CELF2: variants seen among roughly 807,000 people sequenced by gnomAD.
CELF2 encodes the protein CUG triplet repeat RNA-binding protein 2.
In CELF2, 8 loss-of-function variants were observed where a neutral mutation model predicts 62.6. That is an observed-to-expected ratio of 0.13 (90% CI 0.07 to 0.23). The LOEUF is 0.23. Ranked by LOEUF, CELF2 falls within the 10% of genes least tolerant of loss-of-function variation. The probability of loss-of-function intolerance (pLI) is 1.00; values close to 1 mark genes in which losing one functional copy is unlikely to be tolerated. For missense variants in CELF2, 333 were observed against 671.0 expected, an observed-to-expected ratio of 0.50 and a Z score of 5.56; for synonymous variants, 258 against 250.0, an observed-to-expected ratio of 1.03 and a Z score of -0.30.
At chr10:10,986,823 T>C (rs944388007) in intron 2 of CELF2, among the ~76,000 whole-genome samples, 4 of 152,182 alleles carry the variant, frequency 2.6e-5, no homozygotes, top group Non-Finnish European at 5.9e-5. Context: ...GCGTCAGCAC[T>C]ACAAGGTCAC....
chr10:10,792,830 CT>C, the CELF2 span, among the ~76,000 whole-genome samples: 1 of 152,132 alleles, frequency 6.6e-6, no homozygotes, highest in Non-Finnish European at 1.5e-5. Flanking sequence ...CAAATTTGGT[CT>C]GTGATTCCTT....
At position 11,314,855 on chromosome 10, in the gene CELF2, T is replaced by C. The variant is rs901692994; in HGVS notation, c.1096+597T>C. The C allele has an allele frequency of 1.7e-5, 3 of 176,830 alleles. No homozygotes were observed. The highest frequency in any genetic ancestry group is 7.2e-5 in the African/African-American group (3 of 41,730). The allele number at this position is 176,830 out of a possible 1,614,324, so 11.0% of individuals were successfully genotyped here. A position where few individuals can be genotyped will look rare whatever the true frequency, so the allele number is the denominator to read the frequency against. On this transcript the variant is annotated intron_variant, in intron 10 of 12. Transcript: ENST00000633077. This position sits in a 1 kb window ranked among gnomAD's most constrained non-coding sequence, Gnocchi z 5.3. ...AGGGGAGAGGAGCCACTGCTGGCAG[T>C]GACATGATCAGAATCTTTATTAAGC...
At chr10:10,628,132 G>A in the CELF2 span, among the ~76,000 whole-genome samples, 1 of 152,004 alleles carries the variant, frequency 6.6e-6, no homozygotes, top group Non-Finnish European at 1.5e-5. Flanking sequence ...CAAACTCCTG[G>A]CCTCAGGTAA....
chr10:10,905,164 G>A (rs968401135), intron 1 of CELF2, among the ~76,000 whole-genome samples: 3 of 152,216 alleles, frequency 2.0e-5, no homozygotes, highest in African/African-American at 7.2e-5. Context: ...TATGTGTGAA[G>A]TGCTAAGCAA....
intron 2 of CELF2, among the ~76,000 whole-genome samples, chr10:10,951,534 A>G (rs2048317678): frequency 6.6e-6 from 1 of 152,202 alleles, no homozygotes; most frequent in Non-Finnish European, 1.5e-5. Flanking sequence ...GCAAAGGGGA[A>G]GGGTGATTGA....
At chr10:10,585,818 G>A in the CELF2 span, among the ~76,000 whole-genome samples, 522 of 152,232 alleles carry the variant, frequency 3.4e-3, 3 homozygotes, top group African/African-American at 0.011. Flanking sequence ...ATAGTTTTCA[G>A]TTGCTGGGTA....
the CELF2 span, among the ~76,000 whole-genome samples, chr10:10,495,154 G>C: frequency 6.6e-6 from 1 of 152,100 alleles, no homozygotes. Context: ...GGTGGCGGGC[G>C]CCTGTAGTCC....
At chr10:11,218,091 C>G in intron 3 of CELF2, among the ~76,000 whole-genome samples, 1 of 152,150 alleles carries the variant, frequency 6.6e-6, no homozygotes, top group Non-Finnish European at 1.5e-5. Flanking sequence ...TGATAGTTGG[C>G]ACAATTCACC....
chr10:10,748,104 G>T, the CELF2 span, among the ~76,000 whole-genome samples: 1 of 152,174 alleles, frequency 6.6e-6, no homozygotes, highest in Non-Finnish European at 1.5e-5. Context: ...ATAAACAGAG[G>T]CTGGTTAATG....
chr10:10,796,425 GT>G (rs2054144503), upstream of CELF2, among the ~76,000 whole-genome samples: 2 of 152,168 alleles, frequency 1.3e-5, no homozygotes, highest in Non-Finnish European at 2.9e-5. Context: ...CCTTTAAAAA[GT>G]TTTTGAAAAG....
At chr10:10,598,487 G>A in the CELF2 span, among the ~76,000 whole-genome samples, 3 of 152,160 alleles carry the variant, frequency 2.0e-5, no homozygotes, top group Admixed American at 6.5e-5. Flanking sequence ...ATCCTGCAAC[G>A]GAGCGTGGCA....
chr10:11,235,255 C>T (rs1387195471), intron 3 of CELF2, among the ~76,000 whole-genome samples: 1 of 152,200 alleles, frequency 6.6e-6, no homozygotes, highest in Non-Finnish European at 1.5e-5. Flanking sequence ...AAAGTAGAAG[C>T]TATGTCACCA....
chr10:11,185,136 G>A (rs764146899), intron 2 of CELF2, among the ~76,000 whole-genome samples: 5 of 151,576 alleles, frequency 3.3e-5, no homozygotes, highest in East Asian at 1.9e-4. Context: ...TGATCATATC[G>A]GGTTTTTTGT....
rs2079285077 is a variant in CELF2, at chr10:11,257,879, G to A, written c.538+7G>A. On this transcript the variant is annotated splice_region_variant and intron_variant, in intron 5 of 12. Transcript: ENST00000633077. ...CCTGATGGGCTGAGTCGAGGTGAGT[G>A]TGCTGTCTGGAAAGCCTCTCCCCTT... 4.3e-6 allele frequency: 7 copies of A among 1,613,930 alleles called. No homozygotes were observed. Among genetic ancestry groups the A allele is most frequent in the Admixed American group, 1.7e-5 (1 of 60,008 alleles).
At position 11,256,664 on chromosome 10, in the gene CELF2, T is replaced by TAA. The variant is rs1565589949; in HGVS notation, c.404-1074_404-1073insAA. Among the ~76,000 whole-genome samples, 19 of 71,726 alleles carry TAA rather than the reference T, an allele frequency of 2.6e-4. 1 individual carries two copies. The East Asian group carries it at 4.9e-3, about 19-fold the overall frequency. The allele number at this position is 71,726 out of a possible 152,430, so 47.1% of individuals were successfully genotyped here. A position where few individuals can be genotyped will look rare whatever the true frequency, so the allele number is the denominator to read the frequency against. On this transcript the variant is annotated intron_variant, in intron 4 of 12. Transcript: ENST00000633077. The stretch of plus-strand genomic sequence containing the variant: ...CTCCCCGTGGGTGTCTGTGATGTCC[T>TAA]TAAAAAAAAAAAAAAAAAAGGCACC...
chr10:11,165,750 G>T lies in CELF2; in HGVS notation c.271+68G>T. On this transcript the variant is annotated intron_variant, in intron 2 of 12. Coordinates refer to ENST00000633077, the MANE Select transcript of CELF2 (RefSeq NM_001326342.2). This position sits in a 1 kb window ranked among gnomAD's most constrained non-coding sequence, Gnocchi z 7.4. ...GTCGCGGGGCACTGGGGCTGTCCGA[G>T]CCCCCAGCCTGCAGGAGGAAGGGCG... 2 of 1,432,304 alleles carry T rather than the reference G, an allele frequency of 1.4e-6. No homozygotes were observed. The allele number at this position is 1,432,304 out of a possible 1,614,324, so 88.7% of individuals were successfully genotyped here. A position where few individuals can be genotyped will look rare whatever the true frequency, so the allele number is the denominator to read the frequency against.
intron 1 of CELF2, among the ~76,000 whole-genome samples, chr10:11,087,306 T>C (rs1001121736): frequency 1.3e-5 from 2 of 151,910 alleles, no homozygotes; most frequent in Non-Finnish European, 2.9e-5. Context: ...TGGGATGGGG[T>C]GTGGATGATA....
intron 1 of CELF2, among the ~76,000 whole-genome samples, chr10:11,081,811 C>A (rs1266860311): frequency 6.6e-6 from 1 of 152,160 alleles, no homozygotes; most frequent in Admixed American, 6.5e-5. Context: ...ATATTCTTTA[C>A]CTTAAGAAAG....
At chr10:10,538,308 C>G in the CELF2 span, among the ~76,000 whole-genome samples, 1 of 152,168 alleles carries the variant, frequency 6.6e-6, no homozygotes, top group African/African-American at 2.4e-5. Flanking sequence ...AACTGGAAAC[C>G]ATAGGGCAAG....
Sources: allele counts gnomAD v4.1 joint callset (sites outside exome capture counted in the v4.1 genomes callset), GRCh38; gene constraint gnomAD v4.1.1; non-coding constraint Gnocchi (gnomAD v3.1); transcripts MANE v1.5; gene names NCBI Gene and HGNC (gene_info 2026-07-23, HGNC 2026-07-21).